The following GSG1L variants were observed in gnomAD, a reference collection of about 807,000 sequenced individuals.
GSG1L encodes the protein GSG1 like.
In GSG1L, 24 loss-of-function variants were observed where a neutral mutation model predicts 42.1. That is an observed-to-expected ratio of 0.57 (90% CI 0.41 to 0.80). The LOEUF (loss-of-function observed/expected upper bound fraction) is 0.80, where lower values mean the gene tolerates loss of function less well. GSG1L is among the 30% of genes least tolerant of loss of function. GSG1L has a pLI of 0.00. For missense variants in GSG1L, 445 were observed against 472.2 expected, an observed-to-expected ratio of 0.94 and a Z score of 0.53; for synonymous variants, 215 against 203.5, an observed-to-expected ratio of 1.06 and a Z score of -0.48.
chr16:27,919,933 C>T (rs2084504989), intron 2 of GSG1L, among the ~76,000 whole-genome samples: 1 of 152,326 alleles, frequency 6.6e-6, no homozygotes, highest in Non-Finnish European at 1.5e-5. Flanking sequence ...TATCCCATCC[C>T]TCTTGATGAG....
chr16:27,868,051 T>C (rs1452984284), intron 3 of GSG1L, among the ~76,000 whole-genome samples: 1 of 152,234 alleles, frequency 6.6e-6, no homozygotes, highest in East Asian at 1.9e-4. Flanking sequence ...ATTAAAATTC[T>C]TACCTCTTCC....
intron 2 of GSG1L, among the ~76,000 whole-genome samples, chr16:27,954,949 C>T (rs532945372): frequency 4.3e-4 from 65 of 152,180 alleles, no homozygotes; most frequent in Non-Finnish European, 3.8e-4. Context: ...TGTGAGCCAT[C>T]ATGCCTGGCC....
rs543011331 is a variant in GSG1L at position 27,870,899 on chromosome 16, C to T, written c.550+13587G>A. ...CAGACACCTGCAGTCACCTCTTAGC[C>T]GTGCTCTCCAGCCTGTACCGGCCCT... is the stretch of plus-strand genomic sequence containing the variant. On this transcript the variant is annotated intron_variant, in intron 3 of 6. Coordinates refer to ENST00000447459, the MANE Select transcript of GSG1L (RefSeq NM_001109763.2). Among the ~76,000 whole-genome samples, 10 of 151,502 alleles carry T rather than the reference C, an allele frequency of 6.6e-5. No homozygotes were observed. The East Asian group carries it at 1.5e-3, about 23-fold the overall frequency.
chr16:28,035,487 C>T (rs1567564058), intron 1 of GSG1L, among the ~76,000 whole-genome samples: 1 of 152,172 alleles, frequency 6.6e-6, no homozygotes, highest in Non-Finnish European at 1.5e-5. Flanking sequence ...ATAGACCCAA[C>T]TGATTTTATA....
At chr16:27,848,284 G>A (rs546582670) in intron 3 of GSG1L, among the ~76,000 whole-genome samples, 1 of 152,272 alleles carries the variant, frequency 6.6e-6, no homozygotes, top group East Asian at 1.9e-4. Flanking sequence ...CCCAGTACCT[G>A]ACACACAGTA....
At chr16:27,938,235 T>C (rs2084742057) in intron 2 of GSG1L, among the ~76,000 whole-genome samples, 1 of 151,680 alleles carries the variant, frequency 6.6e-6, no homozygotes, top group African/African-American at 2.4e-5. Context: ...CACCATTGTT[T>C]GGTTTATTAT....
At chr16:27,900,819 C>T (rs1339540378) in intron 2 of GSG1L, among the ~76,000 whole-genome samples, 2 of 67,698 alleles carry the variant, frequency 3.0e-5, no homozygotes, top group Non-Finnish European at 9.2e-5. Flanking sequence ...ATTATCAAAA[C>T]ATTAAAAAAA....
chr16:27,808,306 C>T (rs1376206899), intron 5 of GSG1L, among the ~76,000 whole-genome samples: 1 of 152,176 alleles, frequency 6.6e-6, no homozygotes, highest in African/African-American at 2.4e-5. Context: ...AGGCTGATCT[C>T]AAACTCCTGG....
chr16:27,888,924 TTAGATAGATA>T (rs892253088), intron 2 of GSG1L, among the ~76,000 whole-genome samples: 1 of 80,020 alleles, frequency 1.2e-5, no homozygotes, highest in African/African-American at 3.5e-5. Flanking sequence ...TGGCTTGTGC[TTAGATAGATA>T]TAGATATAGA....
At chr16:27,799,724 G>A (rs12599374) in intron 6 of GSG1L, among the ~76,000 whole-genome samples, 25,688 of 151,924 alleles carry the variant, frequency 0.17, 2,183 homozygotes, top group African/African-American at 0.21. Flanking sequence ...GCTGTTATAG[G>A]AGGTTTTAGA....
At position 27,791,302 on chromosome 16, in the gene GSG1L, T is replaced by A; in HGVS notation, c.*68A>T. On this transcript the variant is annotated 3_prime_UTR_variant, in exon 7 of 7. Coordinates refer to ENST00000447459, the MANE Select transcript of GSG1L (RefSeq NM_001109763.2). ...GGCCAGGGTTCTGGGGGCACCACTCTGGTGGTCTTGCAGCAGGGGCTGGTG... is the reference window on the plus strand; with the variant it reads ...GGCCAGGGTTCTGGGGGCACCACTCAGGTGGTCTTGCAGCAGGGGCTGGTG... The A allele has an allele frequency of 9.5e-7, 1 of 1,054,348 alleles. No individual in the cohort carries two copies. Among genetic ancestry groups the A allele is most frequent in the Non-Finnish European group, 1.3e-6 (1 of 769,052 alleles). The allele number at this position is 1,054,348 out of a possible 1,614,324, so 65.3% of individuals were successfully genotyped here. A position where few individuals can be genotyped will look rare whatever the true frequency, so the allele number is the denominator to read the frequency against.
At position 27,789,831 on chromosome 16, in the gene GSG1L, TG is replaced by T. The variant is rs1597451682; in HGVS notation, c.*1538del. Reference sequence around the variant, plus strand: ...GATGATGGATGGATGGATGGGTGGATGGATGGATGAAGGATGGATGGATGGA... The same window carrying T: ...GATGATGGATGGATGGATGGGTGGATGATGGATGAAGGATGGATGGATGGA... On this transcript the variant is annotated 3_prime_UTR_variant, in exon 7 of 7. Transcript: ENST00000447459. 1 of 87,802 alleles carries T rather than the reference TG, an allele frequency of 1.1e-5. No homozygotes were observed. The highest frequency in any genetic ancestry group is 2.9e-4 in the East Asian group (1 of 3,410). 5.4% of individuals were successfully genotyped at this position (87,802 alleles called of 1,614,324 possible).
chr16:27,911,129 G>A (rs2084382244), intron 2 of GSG1L, among the ~76,000 whole-genome samples: 1 of 152,168 alleles, frequency 6.6e-6, no homozygotes, highest in South Asian at 2.1e-4. Context: ...CTCCCTAGCA[G>A]CTGCCGGATC....
At chr16:27,844,447 C>T (rs943844407) in intron 4 of GSG1L, among the ~76,000 whole-genome samples, 2 of 152,110 alleles carry the variant, frequency 1.3e-5, no homozygotes, top group African/African-American at 4.8e-5. Context: ...CTCCAACCTT[C>T]CATAGCACGC....
intron 1 of GSG1L, among the ~76,000 whole-genome samples, chr16:27,988,806 G>A (rs2085418782): frequency 6.7e-6 from 1 of 150,284 alleles, no homozygotes; most frequent in Admixed American, 6.6e-5. Context: ...TGTAATCCCA[G>A]CACTTTGGGA....
chr16:27,912,795 A>T (rs2084406725), intron 2 of GSG1L, among the ~76,000 whole-genome samples: 1 of 152,192 alleles, frequency 6.6e-6, no homozygotes, highest in Non-Finnish European at 1.5e-5. Context: ...TACAGGTTCA[A>T]CAATGTTCAT....
At chr16:27,818,174 C>T (rs940628656) in intron 5 of GSG1L, among the ~76,000 whole-genome samples, 2 of 152,184 alleles carry the variant, frequency 1.3e-5, no homozygotes, top group African/African-American at 4.8e-5. Flanking sequence ...TGGCAAATGG[C>T]CATGATCAAA....
intron 1 of GSG1L, among the ~76,000 whole-genome samples, chr16:28,045,946 AG>A (rs1236707961): frequency 6.6e-6 from 1 of 152,162 alleles, no homozygotes; most frequent in African/African-American, 2.4e-5. Context: ...CAGTGAGCTG[AG>A]ATCACACCAT....
chr16:27,790,611 C>G lies in GSG1L; in HGVS notation c.*759G>C, dbSNP rs1330317657. On this transcript the variant is annotated 3_prime_UTR_variant, in exon 7 of 7. Transcript: ENST00000447459. ...TCTGAAGAGAAATGTGGCTTCTTCA[C>G]CCTCCCTGCTTAGGGCTTGGGTTTG... is the stretch of plus-strand genomic sequence containing the variant. 3.3e-5 allele frequency: 5 copies of G among 152,336 alleles called. No individual in the cohort carries two copies. The highest frequency in any genetic ancestry group is 7.3e-5 in the Non-Finnish European group (5 of 68,128). The allele number at this position is 152,336 out of a possible 1,614,324, so 9.4% of individuals were successfully genotyped here. A position where few individuals can be genotyped will look rare whatever the true frequency, so the allele number is the denominator to read the frequency against.
Sources: allele counts gnomAD v4.1 joint callset (sites outside exome capture counted in the v4.1 genomes callset), GRCh38; gene constraint gnomAD v4.1.1; transcripts MANE v1.5; gene names NCBI Gene and HGNC (gene_info 2026-07-23, HGNC 2026-07-21).